ROBO1: variants seen among roughly 807,000 people sequenced by gnomAD.
The protein encoded by ROBO1 is roundabout guidance receptor 1, also known as roundabout homolog 1.
A neutral mutation model predicts 195.9 loss-of-function variants in ROBO1; 149 were observed. That is an observed-to-expected ratio of 0.76 (90% CI 0.67 to 0.87). The LOEUF (loss-of-function observed/expected upper bound fraction) is 0.87. Ranked by LOEUF, ROBO1 falls within the 40% of genes least tolerant of loss-of-function variation. ROBO1 has a pLI of 0.00. For missense variants in ROBO1, 1,933 were observed against 2,068.3 expected, an observed-to-expected ratio of 0.93 and a Z score of 1.27; for synonymous variants, 816 against 733.2, an observed-to-expected ratio of 1.11 and a Z score of -1.82.
chr3:79,239,067 A>T (rs1313513251), intron 2 of ROBO1, among the ~76,000 whole-genome samples: 1 of 152,138 alleles, frequency 6.6e-6, no homozygotes, highest in Non-Finnish European at 1.5e-5. Flanking sequence ...CTCCAGCCTC[A>T]TTTCTTCCCA....
At chr3:78,729,924 G>A (rs887031586) in intron 5 of ROBO1, among the ~76,000 whole-genome samples, 3 of 152,040 alleles carry the variant, frequency 2.0e-5, no homozygotes, top group Non-Finnish European at 4.4e-5. Flanking sequence ...TGTTTTAAAG[G>A]TAAAAAACAA....
intron 1 of ROBO1, among the ~76,000 whole-genome samples, chr3:79,758,255 A>C (rs1335432324): frequency 1.3e-5 from 2 of 152,248 alleles, no homozygotes; most frequent in Admixed American, 1.3e-4. Context: ...GACAGTAGCC[A>C]CCAGCCACAT....
At chr3:79,181,466 T>A (rs1357706295) in intron 2 of ROBO1, among the ~76,000 whole-genome samples, 2 of 152,194 alleles carry the variant, frequency 1.3e-5, no homozygotes. Flanking sequence ...GCTCACAAAT[T>A]CAAAGTGGGA....
chr3:78,837,231 C>T (rs1448634314), intron 4 of ROBO1, among the ~76,000 whole-genome samples: 1 of 152,076 alleles, frequency 6.6e-6, no homozygotes, highest in African/African-American at 2.4e-5. Flanking sequence ...ATAACCATTC[C>T]TAACGTAAGC....
intron 4 of ROBO1, among the ~76,000 whole-genome samples, chr3:78,925,816 G>C (rs2039181078): frequency 6.6e-6 from 1 of 151,848 alleles, no homozygotes; most frequent in Non-Finnish European, 1.5e-5. Flanking sequence ...GAGGAGTGGG[G>C]ATAAAGAAAA....
intron 2 of ROBO1, among the ~76,000 whole-genome samples, chr3:79,234,574 G>A (rs999867273): frequency 2.0e-5 from 3 of 151,940 alleles, no homozygotes; most frequent in African/African-American, 7.3e-5. Flanking sequence ...GTCAACCTAG[G>A]TGCCCATTAA....
intron 1 of ROBO1, among the ~76,000 whole-genome samples, chr3:79,642,169 GA>G (rs1370200531): frequency 6.6e-6 from 1 of 152,136 alleles, no homozygotes; most frequent in Admixed American, 6.6e-5. Context: ...CAGCAGAATG[GA>G]TCAAGTAGTG....
chr3:79,173,915 G>A (rs112857692), intron 2 of ROBO1, among the ~76,000 whole-genome samples: 7,176 of 152,230 alleles, frequency 0.047, 571 homozygotes, highest in African/African-American at 0.16. Context: ...CTCAGGGTTT[G>A]TGAATGCACC....
At chr3:79,358,184 T>G (rs2035632088) in intron 2 of ROBO1, among the ~76,000 whole-genome samples, 2 of 152,264 alleles carry the variant, frequency 1.3e-5, no homozygotes, top group South Asian at 4.1e-4. Context: ...GAAAAAATAC[T>G]ATTTATCTAT....
At chr3:79,665,587 C>CA (rs897232015) in intron 1 of ROBO1, among the ~76,000 whole-genome samples, 9 of 151,204 alleles carry the variant, frequency 6.0e-5, no homozygotes, top group African/African-American at 2.2e-4. Context: ...TCAAAAAAAA[C>CA]ATTTGAGTCT....
intron 1 of ROBO1, among the ~76,000 whole-genome samples, chr3:79,594,619 C>T (rs897501038): frequency 2.6e-5 from 4 of 151,966 alleles, no homozygotes; most frequent in Non-Finnish European, 5.9e-5. Context: ...TAGCTCACCA[C>T]TCAGATAATT....
At chr3:79,568,526 T>C (rs1483345842) in intron 2 of ROBO1, among the ~76,000 whole-genome samples, 4 of 150,712 alleles carry the variant, frequency 2.7e-5, no homozygotes, top group Non-Finnish European at 5.9e-5. Context: ...CTTTTTCTCA[T>C]TGGGACGCTT....
At chr3:79,635,732 A>T (rs901696114) in intron 1 of ROBO1, among the ~76,000 whole-genome samples, 1 of 151,840 alleles carries the variant, frequency 6.6e-6, no homozygotes, top group Non-Finnish European at 1.5e-5. Flanking sequence ...TAAGGCAGAA[A>T]TGTACAGAGA....
At chr3:79,621,984 G>A (rs1945023224) in intron 1 of ROBO1, among the ~76,000 whole-genome samples, 1 of 152,108 alleles carries the variant, frequency 6.6e-6, no homozygotes, top group South Asian at 2.1e-4. Flanking sequence ...ATAAGCATGT[G>A]AATTCTTCAC....
At chr3:79,384,431 G>A (rs2106648626) in intron 2 of ROBO1, among the ~76,000 whole-genome samples, 1 of 151,804 alleles carries the variant, frequency 6.6e-6, no homozygotes, top group South Asian at 2.1e-4. Flanking sequence ...CATGTAAATA[G>A]GTATTTGTCT....
intron 22 of ROBO1, among the ~76,000 whole-genome samples, chr3:78,636,544 A>G (rs570487215): frequency 9.2e-5 from 14 of 152,184 alleles, no homozygotes; most frequent in Admixed American, 3.9e-4. Flanking sequence ...TGAAAAATCC[A>G]AAGGAAAAAA....
At chr3:78,622,609 C>T (rs78541195) in intron 26 of ROBO1, among the ~76,000 whole-genome samples, 4,614 of 152,248 alleles carry the variant, frequency 0.03, 95 homozygotes, top group South Asian at 0.075. Flanking sequence ...AATGAGAACT[C>T]GCCATTCTCC....
intron 2 of ROBO1, among the ~76,000 whole-genome samples, chr3:79,535,831 C>A (rs958136005): frequency 6.6e-6 from 1 of 152,086 alleles, no homozygotes; most frequent in African/African-American, 2.4e-5. Flanking sequence ...CCTTGATTTC[C>A]TCTTCTCTCG....
chr3:79,613,384 GAGAA>G (rs1015247936), intron 1 of ROBO1, among the ~76,000 whole-genome samples: 1 of 151,770 alleles, frequency 6.6e-6, no homozygotes, highest in Admixed American at 6.6e-5. Context: ...AGCAACAGCT[GAGAA>G]AGAAAGAAAG....
Sources: allele counts gnomAD v4.1 joint callset (sites outside exome capture counted in the v4.1 genomes callset), GRCh38; gene constraint gnomAD v4.1.1; transcripts MANE v1.5; gene names NCBI Gene and HGNC (gene_info 2026-07-23, HGNC 2026-07-21).